CPED1: variants seen among roughly 807,000 people sequenced by gnomAD.
CPED1 encodes the protein cadherin like and PC-esterase domain containing 1.
In CPED1, 114 loss-of-function variants were observed where a neutral mutation model predicts 128.2. That is an observed-to-expected ratio of 0.89 (90% CI 0.76 to 1.04). The LOEUF is 1.04. Among genes scored for constraint, CPED1 ranks in the 50% least tolerant of loss-of-function variants. The pLI is 0.00. For missense variants in CPED1, 1,211 were observed against 1,207.1 expected (o/e 1.00, Z -0.05); for synonymous variants, 462 against 426.7 (o/e 1.08, Z -1.02).
At chr7:121,292,442 C>A (rs1293145109) in intron 22 of CPED1, among the ~76,000 whole-genome samples, 1 of 151,938 alleles carries the variant, frequency 6.6e-6, no homozygotes, top group African/African-American at 2.4e-5. Flanking sequence ...TTCTTAACTT[C>A]TTTGCATTCG....
At chr7:121,180,142 A>G (rs1008666095) in intron 16 of CPED1, among the ~76,000 whole-genome samples, 1 of 152,038 alleles carries the variant, frequency 6.6e-6, no homozygotes, top group East Asian at 1.9e-4. Context: ...GATGATAGGT[A>G]GCTTTCTTCC....
chr7:121,088,642 G>A (rs1794495781), intron 5 of CPED1, among the ~76,000 whole-genome samples: 1 of 143,424 alleles, frequency 7.0e-6, no homozygotes, highest in Non-Finnish European at 1.5e-5. Flanking sequence ...CTGGGCGACG[G>A]TGCGAGACTG....
At chr7:121,192,329 G>A (rs778997624) in intron 16 of CPED1, among the ~76,000 whole-genome samples, 12 of 152,122 alleles carry the variant, frequency 7.9e-5, no homozygotes, top group Non-Finnish European at 1.3e-4. Context: ...TCATTGGAGC[G>A]TTTTGGATTT....
intron 2 of CPED1, among the ~76,000 whole-genome samples, chr7:121,011,332 T>C (rs960877370): frequency 4.6e-5 from 7 of 152,234 alleles, no homozygotes; most frequent in Non-Finnish European, 1.0e-4. Context: ...ATAGTACTTT[T>C]ATAAAGTAGC....
At chr7:121,124,291 G>C (rs1034437184) in intron 7 of CPED1, 40 bp from the exon 8 acceptor site, 2 of 1,552,826 alleles carry the variant, frequency 1.3e-6, no homozygotes, top group Admixed American at 1.9e-5. Flanking sequence ...ACAAACTGAG[G>C]CTATTGTTTT....
At chr7:121,024,195 T>G (rs1322822017) in intron 3 of CPED1, among the ~76,000 whole-genome samples, 1 of 152,164 alleles carries the variant, frequency 6.6e-6, no homozygotes, top group Non-Finnish European at 1.5e-5. Flanking sequence ...GCTCAAGGAA[T>G]GTTTATTTAA....
rs560130076 is a variant in CPED1, at chr7:120,989,474, C to G, written c.-148C>G. The G allele has an allele frequency of 4.2e-4, 430 of 1,036,024 alleles. 1 individual carries two copies. In the African/African-American group the frequency reaches 6.4e-3, roughly 15 times the overall value. 64.2% of individuals were successfully genotyped at this position (1,036,024 alleles called of 1,614,324 possible). A position where few individuals can be genotyped will look rare whatever the true frequency, so the allele number is the denominator to read the frequency against. On this transcript the variant is annotated 5_prime_UTR_variant, in exon 2 of 23. Transcript: ENST00000310396. Reference sequence around the variant, plus strand: ...GGGACCTATGATTCTTTGGCACAACCTTTTGGAAAATTCTTAAGCAGGGAT... The same window carrying G: ...GGGACCTATGATTCTTTGGCACAACGTTTTGGAAAATTCTTAAGCAGGGAT...
chr7:121,125,748 A>G (rs888000872), intron 8 of CPED1, 72 bp from the exon 9 acceptor site: 1 of 1,148,604 alleles, frequency 8.7e-7, no homozygotes, highest in Non-Finnish European at 1.3e-6. Context: ...TTTTGCTGTT[A>G]TAAATAGTGC....
chr7:121,142,278 G>C, intron 16 of CPED1, 137 bp downstream of exon 16: 1 of 778,958 alleles, frequency 1.3e-6, no homozygotes, highest in Non-Finnish European at 2.0e-6. Context: ...AAAAAAGTGA[G>C]AATCCCAGCC....
At chr7:121,075,075 T>C (rs10953924) in intron 5 of CPED1, among the ~76,000 whole-genome samples, 59,033 of 152,050 alleles carry the variant, frequency 0.39, 12,482 homozygotes, top group Non-Finnish European at 0.49. Context: ...TTTGTCTCCT[T>C]CTTGGGAGCA....
chr7:121,019,379 C>T (rs1190976553), intron 3 of CPED1, among the ~76,000 whole-genome samples: 1 of 151,932 alleles, frequency 6.6e-6, no homozygotes, highest in African/African-American at 2.4e-5. Context: ...TATCAGAGTT[C>T]TAGAAGGAGA....
chr7:121,004,946 C>T (rs1791967199), intron 2 of CPED1, among the ~76,000 whole-genome samples: 2 of 152,040 alleles, frequency 1.3e-5, no homozygotes, highest in Non-Finnish European at 1.5e-5. Context: ...ACATCATGCC[C>T]CTATGTATTT....
intron 5 of CPED1, among the ~76,000 whole-genome samples, chr7:121,076,325 A>T (rs976638652): frequency 6.6e-6 from 1 of 152,170 alleles, no homozygotes; most frequent in African/African-American, 2.4e-5. Flanking sequence ...AGCTTTCTAC[A>T]TGTGTGAAAG....
At chr7:121,271,171 A>G in intron 21 of CPED1, 113 bp from the exon 22 acceptor site, 2 of 777,226 alleles carry the variant, frequency 2.6e-6, no homozygotes, top group Admixed American at 3.0e-5. Context: ...TCCTTATCTT[A>G]CACTATGACT....
chr7:121,069,608 G>T (rs1563013678), intron 5 of CPED1, among the ~76,000 whole-genome samples: 2 of 151,994 alleles, frequency 1.3e-5, no homozygotes, highest in Non-Finnish European at 1.5e-5. Flanking sequence ...ACATTGAAGG[G>T]CACACATCCA....
chr7:121,284,364 CT>C (rs1456447095), intron 22 of CPED1, among the ~76,000 whole-genome samples: 2 of 152,156 alleles, frequency 1.3e-5, no homozygotes, highest in African/African-American at 4.8e-5. Flanking sequence ...CATTCTGCCC[CT>C]GGCTCCTCTC....
At chr7:121,124,759 T>C (rs901093675) in intron 8 of CPED1, among the ~76,000 whole-genome samples, 1 of 152,204 alleles carries the variant, frequency 6.6e-6, no homozygotes, top group African/African-American at 2.4e-5. Flanking sequence ...CAAGTGCAAC[T>C]GTTTCTATCA....
intron 5 of CPED1, among the ~76,000 whole-genome samples, chr7:121,072,238 CT>C (rs1238096634): frequency 3.3e-5 from 5 of 151,656 alleles, no homozygotes; most frequent in African/African-American, 4.8e-5. Flanking sequence ...TTCCCTCCCC[CT>C]AGGATGCCTT....
chr7:121,151,022 T>C (rs888604681), intron 16 of CPED1, among the ~76,000 whole-genome samples: 9 of 152,302 alleles, frequency 5.9e-5, no homozygotes, highest in Admixed American at 5.9e-4. Context: ...CACCTCGGCC[T>C]CCCAAAGTGC....
Sources: allele counts gnomAD v4.1 joint callset (sites outside exome capture counted in the v4.1 genomes callset), GRCh38; gene constraint gnomAD v4.1.1; transcripts MANE v1.5; gene names NCBI Gene and HGNC (gene_info 2026-07-23, HGNC 2026-07-21).